C5: variants seen among roughly 807,000 people sequenced by gnomAD.
C5 encodes C3 and PZP-like alpha-2-macroglobulin domain-containing protein 4.
In C5, 140 loss-of-function variants were observed where a neutral mutation model predicts 218.8. That is an observed-to-expected ratio of 0.64 (90% CI 0.56 to 0.74). C5 has a LOEUF of 0.74. C5 is among the 30% of genes least tolerant of loss of function. C5 has a pLI of 0.00. For missense variants in C5, 1,700 were observed against 1,969.6 expected (o/e 0.86, Z 2.59); for synonymous variants, 614 against 682.3 (o/e 0.90, Z 1.56).
chr9:121,055,227 C>T (rs1045456340), upstream of C5, among the ~76,000 whole-genome samples: 3 of 152,154 alleles, frequency 2.0e-5, no homozygotes, highest in Non-Finnish European at 2.9e-5. Context: ...AGGCATACTT[C>T]CTCAGAACCT....
chr9:121,058,150 C>T, the C5 span, among the ~76,000 whole-genome samples: 1 of 152,184 alleles, frequency 6.6e-6, no homozygotes, highest in Non-Finnish European at 1.5e-5. Flanking sequence ...AACACAATAG[C>T]TACCCATTAT....
chr9:121,064,658 T>C, the C5 span, among the ~76,000 whole-genome samples: 1 of 152,192 alleles, frequency 6.6e-6, no homozygotes, highest in Non-Finnish European at 1.5e-5. Context: ...TCAAAAGCAT[T>C]GGTAAAATAT....
At chr9:120,999,499 T>C (rs758098819) in intron 20 of C5, among the ~76,000 whole-genome samples, 8 of 152,156 alleles carry the variant, frequency 5.3e-5, no homozygotes, top group Admixed American at 2.6e-4. Context: ...CTGTGTATAA[T>C]CCTTGCTCAA....
rs146790662 is a variant in C5 at position 121,006,549 on chromosome 9, A to T, written c.2422+355T>A. 3.9e-5 allele frequency among the ~76,000 whole-genome samples: 6 copies of T among 152,304 alleles called. No individual in the cohort carries two copies. The East Asian group carries it at 1.2e-3, about 29-fold the overall frequency. On this transcript the variant is annotated intron_variant, in intron 19 of 40. Transcript: ENST00000223642. Reference sequence around the variant, plus strand: ...CCAGTCAGTGAGAAAAGTGAAGGAAAATAAAGACTTGAGGCTGGGTGCAGT... The same window carrying T: ...CCAGTCAGTGAGAAAAGTGAAGGAATATAAAGACTTGAGGCTGGGTGCAGT...
chr9:121,021,360 C>T (rs2047363586), intron 11 of C5, 149 bp downstream of exon 11: 1 of 691,332 alleles, frequency 1.4e-6, no homozygotes, highest in Admixed American at 2.1e-5. Context: ...CAGATTGTCT[C>T]TGGGACTAAT....
intron 30 of C5, among the ~76,000 whole-genome samples, chr9:120,973,259 A>G (rs1323407384): frequency 1.3e-5 from 2 of 152,170 alleles, no homozygotes; most frequent in Non-Finnish European, 2.9e-5. Flanking sequence ...CTCTTACAGC[A>G]TTATCCCTAT....
chr9:121,050,771 A>G (rs1353617622), upstream of C5, among the ~76,000 whole-genome samples: 1 of 152,116 alleles, frequency 6.6e-6, no homozygotes, highest in Admixed American at 6.5e-5. Flanking sequence ...TCTGAGCATA[A>G]CCTAGCTCTG....
intron 3 of C5, among the ~76,000 whole-genome samples, chr9:121,041,484 T>G (rs1372382176): frequency 6.6e-6 from 1 of 151,712 alleles, no homozygotes; most frequent in Non-Finnish European, 1.5e-5. Flanking sequence ...TTTGTAGTTT[T>G]AGTAGAGACA....
At chr9:120,990,122 A>G (rs780407892) in intron 23 of C5, among the ~76,000 whole-genome samples, 2 of 152,222 alleles carry the variant, frequency 1.3e-5, no homozygotes, top group African/African-American at 2.4e-5. Context: ...GAAGCAAAGC[A>G]AAGAGCCTGA....
chr9:120,956,249 G>A (rs1321139201), intron 39 of C5, among the ~76,000 whole-genome samples: 1 of 152,044 alleles, frequency 6.6e-6, no homozygotes, highest in African/African-American at 2.4e-5. Context: ...AGCCAAGATC[G>A]TGCCACTGCG....
At chr9:120,996,765 C>T (rs184469731) in intron 21 of C5, among the ~76,000 whole-genome samples, 1 of 152,246 alleles carries the variant, frequency 6.6e-6, no homozygotes, top group East Asian at 1.9e-4. Context: ...CAAAATAAGT[C>T]GGTACATGTT....
chr9:121,068,280 T>C, the C5 span, among the ~76,000 whole-genome samples: 1 of 152,090 alleles, frequency 6.6e-6, no homozygotes, highest in Non-Finnish European at 1.5e-5. Flanking sequence ...ATGAATTCAG[T>C]AAAGTTGCAG....
chr9:121,052,562 C>G (rs1410874916), upstream of C5, among the ~76,000 whole-genome samples: 1 of 151,122 alleles, frequency 6.6e-6, no homozygotes, highest in Non-Finnish European at 1.5e-5. Context: ...AGAGAAGAAA[C>G]TCAGATCTGG....
In C5 at chr9:120,981,590, T is replaced by C. The variant is rs560832890; in HGVS notation, c.3486+254A>G. 3.3e-5 allele frequency among the ~76,000 whole-genome samples: 5 copies of C among 152,358 alleles called. No individual in the cohort carries two copies. In the South Asian group the frequency reaches 8.3e-4, roughly 25 times the overall value. ...GACCCAGCTCTACAATTTATTAGCCTGTGACACTGGGAAACTGAATTCACC... is the reference window on the plus strand; with the variant it reads ...GACCCAGCTCTACAATTTATTAGCCCGTGACACTGGGAAACTGAATTCACC... On this transcript the variant is annotated intron_variant, in intron 27 of 40. Transcript: ENST00000223642.
chr9:120,971,903 G>A (rs776980612), intron 31 of C5, 27 bp downstream of exon 31: 26 of 1,551,366 alleles, frequency 1.7e-5, no homozygotes, highest in Admixed American at 1.3e-4. Context: ...CACATAACTC[G>A]TTATTGGATA....
At chr9:121,054,011 C>A (rs1282224249), upstream of C5, among the ~76,000 whole-genome samples, 1 of 151,746 alleles carries the variant, frequency 6.6e-6, no homozygotes, top group African/African-American at 2.4e-5. Context: ...TGCTAAGCAC[C>A]CCCAACTTGC....
chr9:121,017,704 GCTGT>G lies in C5; in HGVS notation c.1651_1654del (p.Thr551GlnfsTer3), dbSNP rs1206780523. The G allele has an allele frequency of 6.2e-7, 1 of 1,613,206 alleles. No homozygotes were observed. ...CCAGACTGAATCAGACACTAATTCT[GCTGT>G]CTGTTCTCCTGTGACGATGTAATAG... On this transcript the variant is annotated frameshift_variant, in exon 13 of 41. Transcript: ENST00000223642. LOFTEE classifies it high-confidence loss of function.
In C5 at chr9:121,006,961, C is replaced by T; in HGVS notation, c.2365G>A (p.Ala789Thr). 1.9e-6 allele frequency: 3 copies of T among 1,611,570 alleles called. No individual in the cohort carries two copies. The highest frequency in any genetic ancestry group is 2.5e-6 in the Non-Finnish European group (3 of 1,177,788). ...LVPRRKQLQF[A>T]LPDSLTTWEI... The stretch of plus-strand genomic sequence containing the variant: ...CAGGTGGTTAGAGAATCAGGTAGGG[C>T]AAACTGCAACTGTTTTCTGGAAGTT... The change falls in exon 19 of 41, where the codon GCC (alanine) becomes ACC (threonine). Residue 789 changes from alanine to threonine, a missense_variant. Physicochemically the swap from Ala to Thr is moderately conservative, Grantham distance 58 (BLOSUM62 0). Transcript: ENST00000223642.
In C5 at chr9:120,989,719, G is replaced by C. The variant is rs1357839045; in HGVS notation, c.3003C>G (p.Thr1001=). The C allele has an allele frequency of 6.2e-7, 1 of 1,614,002 alleles. No individual in the cohort carries two copies. The highest frequency in any genetic ancestry group is 8.5e-7 in the Non-Finnish European group (1 of 1,179,976). ...CCTCTGCACTCCCTTTGGGGAGGTG[G>C]GTTAGGATATTGATGCCTTCCTGAC... ...VLSQEGINIL[T]HLPKGSAEAE... The change falls in exon 24 of 41, where the codon ACC becomes ACG. Residue 1001 remains threonine, a synonymous_variant. Transcript: ENST00000223642.
Sources: allele counts gnomAD v4.1 joint callset (sites outside exome capture counted in the v4.1 genomes callset), GRCh38; gene constraint gnomAD v4.1.1; transcripts MANE v1.5; gene names NCBI Gene and HGNC (gene_info 2026-07-23, HGNC 2026-07-21).